PDCD6IP: variants seen among roughly 807,000 people sequenced by gnomAD.
The protein encoded by PDCD6IP is programmed cell death 6 interacting protein, also known as programmed cell death 6-interacting protein.
Under a neutral mutation model 103.7 loss-of-function variants are expected in PDCD6IP, and 43 were observed. That is an observed-to-expected ratio of 0.41 (90% CI 0.32 to 0.53). The LOEUF is 0.53. PDCD6IP is among the 20% of genes least tolerant of loss of function. PDCD6IP has a pLI of 0.16. For missense variants in PDCD6IP, 871 were observed against 1,036.7 expected, an observed-to-expected ratio of 0.84 and a Z score of 2.20; for synonymous variants, 354 against 378.7, an observed-to-expected ratio of 0.93 and a Z score of 0.76.
intron 3 of PDCD6IP, among the ~76,000 whole-genome samples, chr3:33,819,817 A>G (rs544277840): frequency 6.6e-6 from 1 of 152,346 alleles, no homozygotes; most frequent in East Asian, 1.9e-4. Flanking sequence ...ATAGGGAGCT[A>G]TTGTAGATTC....
chr3:33,805,569 A>G (rs1413930595), intron 1 of PDCD6IP, among the ~76,000 whole-genome samples: 1 of 151,450 alleles, frequency 6.6e-6, no homozygotes, highest in Non-Finnish European at 1.5e-5. Context: ...GTGGGTGCAT[A>G]CTACCATACC....
At chr3:33,800,635 A>G (rs1181433075) in intron 1 of PDCD6IP, among the ~76,000 whole-genome samples, 1 of 152,198 alleles carries the variant, frequency 6.6e-6, no homozygotes, top group Admixed American at 6.5e-5. Flanking sequence ...AAGTTAACCT[A>G]GAAATACTTA....
At chr3:33,810,460 C>G (rs1232654742) in intron 1 of PDCD6IP, among the ~76,000 whole-genome samples, 1 of 152,084 alleles carries the variant, frequency 6.6e-6, no homozygotes, top group Non-Finnish European at 1.5e-5. Flanking sequence ...CAGTCTCAGC[C>G]CTTGAGTCAG....
At chr3:33,802,583 G>A (rs949064003) in intron 1 of PDCD6IP, among the ~76,000 whole-genome samples, 3 of 150,866 alleles carry the variant, frequency 2.0e-5, no homozygotes, top group African/African-American at 7.3e-5. Flanking sequence ...TCCGCCTCTC[G>A]GGTTCAAACG....
chr3:33,848,481 T>C (rs1333471732), intron 12 of PDCD6IP, among the ~76,000 whole-genome samples: 1 of 151,994 alleles, frequency 6.6e-6, no homozygotes, highest in East Asian at 1.9e-4. Flanking sequence ...CTTGGCTCAC[T>C]GCAACCTCTG....
intron 12 of PDCD6IP, among the ~76,000 whole-genome samples, chr3:33,848,921 A>T (rs538789959): frequency 3.2e-4 from 48 of 152,330 alleles, no homozygotes; most frequent in African/African-American, 1.2e-3. Context: ...AAAAGTCAAA[A>T]GAATGTTTTA....
At chr3:33,860,418 A>G (rs182062582) in intron 15 of PDCD6IP, among the ~76,000 whole-genome samples, 61 of 152,338 alleles carry the variant, frequency 4.0e-4, no homozygotes, top group Non-Finnish European at 7.2e-4. Flanking sequence ...CCGGAAAAGT[A>G]TACATAAGTG....
intron 7 of PDCD6IP, among the ~76,000 whole-genome samples, chr3:33,831,113 C>G (rs931642988): frequency 1.3e-5 from 2 of 152,072 alleles, no homozygotes; most frequent in African/African-American, 4.8e-5. Context: ...GAGCTTAATA[C>G]AGCTCATGAG....
chr3:33,865,213 T>G (rs370394692), intron 16 of PDCD6IP, 30 bp from the exon 17 acceptor site: 1 of 1,459,662 alleles, frequency 6.9e-7, no homozygotes, highest in East Asian at 2.7e-5. Context: ...TATGAAACAT[T>G]TTATAGTCAA....
Position 33,825,170 on chromosome 3 carries a change from C to A in PDCD6IP, c.463-17C>A, listed in dbSNP as rs760708950. 6.3e-7 allele frequency: 1 copy of A among 1,599,278 alleles called. No homozygotes were observed. Among genetic ancestry groups the A allele is most frequent in the South Asian group, 1.1e-5 (1 of 87,356 alleles). ...CTTGCTGAGTTCCTATAAAGAAATT[C>A]TTTTTCCCCCCTTTAGTTTGCTAGT... is the stretch of plus-strand genomic sequence containing the variant. On this transcript the variant is annotated splice_polypyrimidine_tract_variant and intron_variant, in intron 4 of 17. Coordinates refer to ENST00000307296, the MANE Select transcript of PDCD6IP (RefSeq NM_013374.6).
At chr3:33,860,524 A>G (rs1697929555) in intron 15 of PDCD6IP, among the ~76,000 whole-genome samples, 1 of 152,216 alleles carries the variant, frequency 6.6e-6, no homozygotes, top group South Asian at 2.1e-4. Flanking sequence ...AGCATTGTTA[A>G]TGCATCCACC....
At position 33,867,523 on chromosome 3, in the gene PDCD6IP, A is replaced by G. The variant is rs1698091752; in HGVS notation, c.*998A>G. ...ATGCCCAATATGTATGAATAGATCT[A>G]AGCCATTTAATTTTTTTTCCTTAAA... On this transcript the variant is annotated 3_prime_UTR_variant, in exon 18 of 18. Transcript: ENST00000307296. The G allele has an allele frequency of 1.3e-5, 2 of 152,238 alleles. No individual in the cohort carries two copies. Among genetic ancestry groups the G allele is most frequent in the East Asian group, 1.9e-4 (1 of 5,204 alleles). The allele number at this position is 152,238 out of a possible 1,614,324, so 9.4% of individuals were successfully genotyped here. A position where few individuals can be genotyped will look rare whatever the true frequency, so the allele number is the denominator to read the frequency against.
In PDCD6IP at chr3:33,867,691, G is replaced by T. The variant is rs982811975; in HGVS notation, c.*1166G>T. 4 of 152,160 alleles carry T rather than the reference G, an allele frequency of 2.6e-5. No individual in the cohort carries two copies. Among genetic ancestry groups the T allele is most frequent in the African/African-American group, 9.7e-5 (4 of 41,442 alleles). The allele number at this position is 152,160 out of a possible 1,614,324, so 9.4% of individuals were successfully genotyped here. On this transcript the variant is annotated 3_prime_UTR_variant, in exon 18 of 18. Coordinates refer to ENST00000307296, the MANE Select transcript of PDCD6IP (RefSeq NM_013374.6). ...TATAAACCTCAGTAAAAATAGTGAA[G>T]ACATGCATCATGGAATGAGAAAATG...
chr3:33,821,300 A>G (rs1696987065), intron 3 of PDCD6IP, among the ~76,000 whole-genome samples: 2 of 152,044 alleles, frequency 1.3e-5, no homozygotes, highest in South Asian at 4.1e-4. Flanking sequence ...GTGAGCCACC[A>G]TGCCCAACCA....
At chr3:33,848,513 T>C in intron 12 of PDCD6IP, among the ~76,000 whole-genome samples, 1 of 152,052 alleles carries the variant, frequency 6.6e-6, no homozygotes. Context: ...CAAGCAATTC[T>C]CCTGTCTCAG....
chr3:33,799,005 C>T, intron 1 of PDCD6IP, 68 bp downstream of exon 1: 2 of 1,353,778 alleles, frequency 1.5e-6, no homozygotes, highest in South Asian at 1.4e-5. Context: ...TTCCCGTCTC[C>T]CCCCTTCCTT....
chr3:33,843,785 C>G (rs1272603587), intron 10 of PDCD6IP, among the ~76,000 whole-genome samples: 1 of 151,268 alleles, frequency 6.6e-6, no homozygotes, highest in Admixed American at 6.6e-5. Flanking sequence ...ATCAGTTTTC[C>G]CCTTTTGTTT....
intron 7 of PDCD6IP, among the ~76,000 whole-genome samples, chr3:33,829,854 G>A (rs544176366): frequency 3.9e-5 from 6 of 152,274 alleles, no homozygotes; most frequent in African/African-American, 1.4e-4. Flanking sequence ...ATATCAAGGT[G>A]CTGGCATCTG....
chr3:33,831,228 C>T (rs12631021), intron 7 of PDCD6IP, among the ~76,000 whole-genome samples: 44,342 of 147,826 alleles, frequency 0.3, 6,711 homozygotes, highest in East Asian at 0.41. Context: ...CAAAAAGATA[C>T]AGAAACACAC....
Sources: allele counts gnomAD v4.1 joint callset (sites outside exome capture counted in the v4.1 genomes callset), GRCh38; gene constraint gnomAD v4.1.1; transcripts MANE v1.5; gene names NCBI Gene and HGNC (gene_info 2026-07-23, HGNC 2026-07-21).